The following ITGA4 variants were observed in gnomAD, a reference collection of about 807,000 sequenced individuals.
The protein encoded by ITGA4 is integrin alpha-4.
ITGA4 carries 63 observed loss-of-function variants against 133.6 expected under a neutral mutation model. That is an observed-to-expected ratio of 0.47 (90% confidence interval 0.38 to 0.58). The LOEUF (loss-of-function observed/expected upper bound fraction) is 0.58, where lower values mean the gene tolerates loss of function less well. Ranked by LOEUF, ITGA4 falls within the 20% of genes least tolerant of loss-of-function variation. The pLI, the probability that ITGA4 is intolerant of heterozygous loss-of-function variation, is 0.00. For synonymous variants in ITGA4, 483 were observed against 438.0 expected (o/e 1.10, Z -1.28); for missense variants, 1,076 against 1,252.7 (o/e 0.86, Z 2.13).
Position 181,537,496 on chromosome 2 carries a change from G to GGCAGGTAGGCTATATAA in ITGA4, c.*1970_*1986dup, listed in dbSNP as rs1162224286. 1.3e-5 allele frequency: 6 copies of GGCAGGTAGGCTATATAA among 452,998 alleles called. No homozygotes were observed. The highest frequency in any genetic ancestry group is 1.2e-4 in the Admixed American group (5 of 42,470). The allele number at this position is 452,998 out of a possible 1,614,324, so 28.1% of individuals were successfully genotyped here. Reference sequence around the variant, plus strand: ...AGACAGGGATGGGTTATTCTTTTTTGGCAGGTAGGCTATATAACTATGTGA... The same window carrying GGCAGGTAGGCTATATAA: ...AGACAGGGATGGGTTATTCTTTTTTGGCAGGTAGGCTATATAAGCAGGTAGGCTATATAACTATGTGA... On this transcript the variant is annotated 3_prime_UTR_variant, in exon 28 of 28. Coordinates refer to ENST00000397033, the MANE Select transcript of ITGA4 (RefSeq NM_000885.6).
At chr2:181,477,095 A>G (rs1685693923) in intron 4 of ITGA4, among the ~76,000 whole-genome samples, 1 of 152,140 alleles carries the variant, frequency 6.6e-6, no homozygotes, top group Non-Finnish European at 1.5e-5. Flanking sequence ...TCTATGCAAC[A>G]AACTTGCACA....
At chr2:181,494,670 T>G in intron 11 of ITGA4, 52 bp from the exon 12 acceptor site, 1 of 890,546 alleles carries the variant, frequency 1.1e-6, no homozygotes, top group Non-Finnish European at 1.9e-6. Context: ...ATTGCTTCTC[T>G]GGTATATTAG....
At chr2:181,500,304 C>A (rs1415238126) in intron 15 of ITGA4, among the ~76,000 whole-genome samples, 2 of 152,128 alleles carry the variant, frequency 1.3e-5, no homozygotes, top group African/African-American at 4.8e-5. Context: ...AAGATAAGAA[C>A]CACAGTTGCA....
intron 2 of ITGA4, among the ~76,000 whole-genome samples, chr2:181,473,589 C>T (rs566073771): frequency 1.5e-4 from 23 of 152,254 alleles, no homozygotes; most frequent in Admixed American, 9.8e-4. Flanking sequence ...TTTTAGAAAA[C>T]GAAAGTATAA....
At position 181,475,277 on chromosome 2, in the gene ITGA4, C is replaced by T. The variant is rs890547243; in HGVS notation, c.545C>T (p.Pro182Leu). 2 of 1,612,172 alleles carry T rather than the reference C, an allele frequency of 1.2e-6. No homozygotes were observed. The highest frequency in any genetic ancestry group is 1.7e-6 in the Non-Finnish European group (2 of 1,178,410). The part of the protein sequence containing the change: ...LRTELSKRIA[P>L]CYQDYVKKFG... Reference sequence around the variant, plus strand: ...ACAGAACTGAGTAAAAGAATAGCTCCGTGTTATCAAGGTAAGGCATGATTT... The same window carrying T: ...ACAGAACTGAGTAAAAGAATAGCTCTGTGTTATCAAGGTAAGGCATGATTT... The change falls in exon 4 of 28, where the codon CCG becomes CTG. Residue 182 changes from proline (P) to leucine (L), a missense_variant. By Grantham distance (98) the Pro-to-Leu change is moderately conservative. Transcript: ENST00000397033.
chr2:181,490,091 G>C (rs180771680), intron 10 of ITGA4, among the ~76,000 whole-genome samples: 61 of 152,264 alleles, frequency 4.0e-4, no homozygotes, highest in African/African-American at 1.5e-3. Context: ...AAACAGGATA[G>C]GGATTTTCAC....
At chr2:181,494,592 A>G (rs995111372) in intron 11 of ITGA4, 130 bp from the exon 12 acceptor site, 1 of 639,386 alleles carries the variant, frequency 1.6e-6, no homozygotes. Context: ...ATTTGATTTA[A>G]CTAAAATGCA....
At chr2:181,525,375 C>A (rs1324089010) in intron 21 of ITGA4, 84 bp downstream of exon 21, 14 of 696,294 alleles carry the variant, frequency 2.0e-5, no homozygotes, top group Non-Finnish European at 3.4e-5. Context: ...AAACTGTATT[C>A]TAGAATTTTT....
In ITGA4 at chr2:181,536,157, C is replaced by CTGGT. The variant is rs1446783649; in HGVS notation, c.*632_*635dup. The CTGGT allele has an allele frequency of 1.4e-4, 21 of 151,818 alleles. No homozygotes were observed. Among genetic ancestry groups the CTGGT allele is most frequent in the African/African-American group, 4.8e-4 (20 of 41,384 alleles). The allele number at this position is 151,818 out of a possible 1,614,324, so 9.4% of individuals were successfully genotyped here. On this transcript the variant is annotated 3_prime_UTR_variant, in exon 28 of 28. Transcript: ENST00000397033. ...GCAAACTTCAGACTGAACATGTACA[C>CTGGT]TGGTTTGAGCTTAGTGAAATTACTT...
At chr2:181,479,865 G>T (rs990722122) in intron 5 of ITGA4, 2 of 204,876 alleles carry the variant, frequency 9.8e-6, no homozygotes, top group Admixed American at 1.2e-4. Flanking sequence ...TTACTCTAGC[G>T]TTCAGTACTT....
At chr2:181,514,031 A>G (rs116482286) in intron 17 of ITGA4, among the ~76,000 whole-genome samples, 98 of 152,220 alleles carry the variant, frequency 6.4e-4, no homozygotes, top group African/African-American at 2.3e-3. Context: ...CTGAGAATGG[A>G]ACAAGATCCC....
intron 2 of ITGA4, among the ~76,000 whole-genome samples, chr2:181,462,264 C>T (rs990350533): frequency 6.6e-6 from 1 of 152,162 alleles, no homozygotes; most frequent in African/African-American, 2.4e-5. Context: ...CTGCCTGTCC[C>T]TCTCTTACAG....
At chr2:181,480,554 A>G (rs566785930) in intron 6 of ITGA4, among the ~76,000 whole-genome samples, 39 of 152,258 alleles carry the variant, frequency 2.6e-4, no homozygotes, top group African/African-American at 8.9e-4. Flanking sequence ...GTAAGTTTCT[A>G]TCTCTATGTA....
chr2:181,472,607 T>C (rs1685581095), intron 2 of ITGA4, among the ~76,000 whole-genome samples: 2 of 152,236 alleles, frequency 1.3e-5, no homozygotes, highest in African/African-American at 4.8e-5. Context: ...TACCATTTGT[T>C]ATCTATTTTT....
chr2:181,530,777 T>G (rs1249331736), intron 24 of ITGA4, 128 bp downstream of exon 24: 1 of 800,084 alleles, frequency 1.2e-6, no homozygotes, highest in Non-Finnish European at 2.0e-6. Flanking sequence ...GTAGTATTCT[T>G]GCGTGGAAGG....
intron 2 of ITGA4, 149 bp downstream of exon 2, chr2:181,458,466 C>T (rs1297906255): frequency 2.4e-6 from 2 of 828,478 alleles, no homozygotes; most frequent in Admixed American, 4.9e-5. Context: ...CTCATCTTGC[C>T]TCCTTAATAT....
intron 2 of ITGA4, among the ~76,000 whole-genome samples, chr2:181,465,575 G>C (rs1685392446): frequency 6.6e-6 from 1 of 152,066 alleles, no homozygotes; most frequent in Non-Finnish European, 1.5e-5. Context: ...ACACATTAGT[G>C]ATTGTTTTTC....
At position 181,480,201 on chromosome 2, in the gene ITGA4, T is replaced by C. The variant is rs367624699; in HGVS notation, c.689T>C (p.Ile230Thr). The C allele has an allele frequency of 5.2e-6, 8 of 1,543,364 alleles. No homozygotes were observed. The African/African-American group carries it at 5.6e-5, about 11-fold the overall frequency. ...ACTGGCTCTCTTTTTGTCTACAATA[T>C]AACTACAAATAAATACAAGGCTTTT... ...YWTGSLFVYN[I>T]TTNKYKAFLD... Residue 230 changes from isoleucine to threonine, a missense_variant, in exon 6 of 28, where the codon ATA becomes ACA. Transcript: ENST00000397033.
At position 181,494,774 on chromosome 2, in the gene ITGA4, T is replaced by C; in HGVS notation, c.1301T>C (p.Ile434Thr). Residue 434 changes from isoleucine to threonine, a missense_variant, in exon 12 of 28, where the codon ATA (isoleucine) becomes ACA (threonine). By Grantham distance (89) the Ile-to-Thr change is moderately conservative. Coordinates refer to ENST00000397033, the MANE Select transcript of ITGA4 (RefSeq NM_000885.6). ...SKSLSMFGQSISGQIDADNNG... is the reference protein window; with the variant it reads ...SKSLSMFGQSTSGQIDADNNG... ...TCGTTAAGTATGTTTGGACAGTCTA[T>C]ATCAGGACAAATTGATGCAGATAAT... 6.2e-7 allele frequency: 1 copy of C among 1,600,178 alleles called. No homozygotes were observed. Among genetic ancestry groups the C allele is most frequent in the Non-Finnish European group, 8.6e-7 (1 of 1,167,486 alleles).
Sources: allele counts gnomAD v4.1 joint callset (sites outside exome capture counted in the v4.1 genomes callset), GRCh38; gene constraint gnomAD v4.1.1; transcripts MANE v1.5; gene names NCBI Gene and HGNC (gene_info 2026-07-23, HGNC 2026-07-21).